The following RAD17 variants were observed in gnomAD, a reference collection of about 807,000 sequenced individuals.
RAD17 encodes cell cycle checkpoint protein RAD17.
Under a neutral mutation model 81.5 loss-of-function variants are expected in RAD17, and 31 were observed. That is an observed-to-expected ratio of 0.38 (90% CI 0.29 to 0.51). The LOEUF is 0.51. Among genes scored for constraint, RAD17 ranks in the 20% least tolerant of loss-of-function variants. RAD17 has a pLI of 0.88. For missense variants in RAD17, 681 were observed against 781.2 expected, an observed-to-expected ratio of 0.87 and a Z score of 1.53; for synonymous variants, 261 against 266.2, an observed-to-expected ratio of 0.98 and a Z score of 0.19.
At chr5:69,377,624 C>CATATATATATACATATATATGCAT (rs878941680) in intron 6 of RAD17, among the ~76,000 whole-genome samples, 36 of 1,654 alleles carry the variant, frequency 0.022, 10 homozygotes, top group African/African-American at 0.086. Flanking sequence ...CATATATATG[C>CATATATATATACATATATATGCAT]ATATATATGT....
intron 15 of RAD17, 31 bp from the exon 16 acceptor site, chr5:69,396,366 A>AT: frequency 6.3e-7 from 1 of 1,587,248 alleles, no homozygotes; most frequent in Non-Finnish European, 8.6e-7. Flanking sequence ...TTATAAATCT[A>AT]TTTTCTTTCA....
At chr5:69,387,330 A>G (rs1331320940) in intron 11 of RAD17, among the ~76,000 whole-genome samples, 1 of 152,178 alleles carries the variant, frequency 6.6e-6, no homozygotes, top group East Asian at 1.9e-4. Flanking sequence ...AGGGAATCCT[A>G]TTGGTATAAA....
intron 11 of RAD17, 40 bp downstream of exon 11, chr5:69,386,505 G>A: frequency 6.6e-7 from 1 of 1,514,318 alleles, no homozygotes; most frequent in Non-Finnish European, 8.8e-7. Flanking sequence ...GATAACTATA[G>A]AAAGCCTAGC....
chr5:69,384,066 T>A (rs1028266066), intron 7 of RAD17: 1 of 152,066 alleles, frequency 6.6e-6, no homozygotes, highest in Non-Finnish European at 1.5e-5. Flanking sequence ...CTCAGGAGGC[T>A]GAGGCAGGAG....
At chr5:69,386,926 CTTT>C (rs377383013) in intron 11 of RAD17, among the ~76,000 whole-genome samples, 1 of 138,536 alleles carries the variant, frequency 7.2e-6, no homozygotes, top group Non-Finnish European at 1.5e-5. Context: ...GCTGTTGTCA[CTTT>C]TTTTTTTTTT....
At chr5:69,406,303 T>C (rs1244394171) in intron 17 of RAD17, among the ~76,000 whole-genome samples, 1 of 152,130 alleles carries the variant, frequency 6.6e-6, no homozygotes, top group East Asian at 1.9e-4. Flanking sequence ...AAGACAAATA[T>C]TGCATATTCT....
upstream of RAD17, chr5:69,369,577 G>A: frequency 6.2e-7 from 1 of 1,604,736 alleles, no homozygotes; most frequent in Non-Finnish European, 8.5e-7. Context: ...GGCAGCAAAA[G>A]CCCACGGCCC....
intron 6 of RAD17, among the ~76,000 whole-genome samples, 173 bp from the exon 7 acceptor site, chr5:69,381,727 GA>G (rs1763872970): frequency 6.6e-6 from 1 of 151,816 alleles, no homozygotes; most frequent in African/African-American, 2.4e-5. Context: ...TTTTAAAAAA[GA>G]AAAAAATAAA....
At chr5:69,391,277 T>G (rs1764540769) in intron 12 of RAD17, among the ~76,000 whole-genome samples, 1 of 152,000 alleles carries the variant, frequency 6.6e-6, no homozygotes, top group Non-Finnish European at 1.5e-5. Context: ...TTATGAAGAT[T>G]AAATTCCTAT....
chr5:69,375,925 A>G (rs1763305972), intron 6 of RAD17, among the ~76,000 whole-genome samples: 1 of 151,980 alleles, frequency 6.6e-6, no homozygotes, highest in African/African-American at 2.4e-5. Context: ...GTTGACTTGT[A>G]GAAGTCTCAC....
At chr5:69,407,800 C>A (rs1765721379) in intron 17 of RAD17, among the ~76,000 whole-genome samples, 1 of 152,128 alleles carries the variant, frequency 6.6e-6, no homozygotes, top group South Asian at 2.1e-4. Context: ...GATCTGCCTG[C>A]CTCGGCCTCC....
At chr5:69,398,781 A>C (rs939290267) in intron 16 of RAD17, among the ~76,000 whole-genome samples, 14 of 148,262 alleles carry the variant, frequency 9.4e-5, no homozygotes, top group African/African-American at 3.0e-4. Context: ...ACTCCAGCCT[A>C]GGCGACAGAA....
chr5:69,387,276 T>TA lies in RAD17; in HGVS notation c.894+820dup, dbSNP rs532482634. ...TCTGTATTTCAAATCAAGATGATGT[T>TA]AAAAAAAAATTGATGGACCTTCTGC... On this transcript the variant is annotated intron_variant, in intron 11 of 18. Coordinates refer to ENST00000354868, the MANE Select transcript of RAD17 (RefSeq NM_133338.3). Among the ~76,000 whole-genome samples, 827 of 151,602 alleles carry TA rather than the reference T, an allele frequency of 5.5e-3. 16 individuals carry two copies. Among genetic ancestry groups the TA allele is most frequent in the African/African-American group, 0.019 (793 of 41,374 alleles).
chr5:69,375,285 T>C (rs1763265418), intron 6 of RAD17, among the ~76,000 whole-genome samples: 1 of 152,198 alleles, frequency 6.6e-6, no homozygotes, highest in Non-Finnish European at 1.5e-5. Context: ...GGTGCTAGTG[T>C]ATTTAGCACA....
In RAD17 at chr5:69,391,851, A is replaced by G; in HGVS notation, c.1027A>G (p.Arg343Gly). 1 of 1,555,420 alleles carries G rather than the reference A, an allele frequency of 6.4e-7. No homozygotes were observed. The highest frequency in any genetic ancestry group is 8.6e-7 in the Non-Finnish European group (1 of 1,159,038). The change falls in exon 13 of 19, where the codon AGG becomes GGG. Residue 343 changes from arginine to glycine, a missense_variant. Transcript: ENST00000354868. ...TTCAGGAGAAAACAACTTACGGCCA[A>G]GGAAAAAAGGAATGTCTTTAAAATC... ...SSKGENNLRP[R>G]KKGMSLKSDA...
chr5:69,385,518 C>T (rs1159870366), intron 8 of RAD17, among the ~76,000 whole-genome samples: 1 of 151,906 alleles, frequency 6.6e-6, no homozygotes, highest in African/African-American at 2.4e-5. Context: ...GTAATCCTCC[C>T]GCCTTGGCCT....
upstream of RAD17, chr5:69,369,421 C>G (rs993121733): frequency 1.7e-5 from 28 of 1,602,376 alleles, no homozygotes; most frequent in East Asian, 6.8e-5. Flanking sequence ...TCTGCGCCCC[C>G]AGCCTGCCCC....
At chr5:69,373,686 ATTTTTTTTTTTTTTTT>A (rs56385833) in intron 4 of RAD17, 128 bp from the exon 5 acceptor site, 3 of 251,912 alleles carry the variant, frequency 1.2e-5, no homozygotes, top group African/African-American at 5.0e-5. Context: ...TCTCAAAAAA[ATTTTTTTTTTTTTTTT>A]TTTTTTTTTT....
chr5:69,376,246 C>G (rs1380276294), intron 6 of RAD17, among the ~76,000 whole-genome samples: 3 of 152,308 alleles, frequency 2.0e-5, no homozygotes, highest in African/African-American at 7.2e-5. Flanking sequence ...GTGCCCAGTT[C>G]TCCATCAGTC....
Sources: gnomAD v4.1 joint callset for allele counts (sites outside exome capture counted in the v4.1 genomes callset) on GRCh38, gnomAD v4.1.1 for gene constraint, MANE v1.5 for transcripts, NCBI Gene and HGNC (gene_info 2026-07-23, HGNC 2026-07-21) for gene names.